Variants in EXT1 observed in about 807,000 individuals in gnomAD.
EXT1 encodes the protein exostosin glycosyltransferase 1, also known as exostosin-1.
EXT1 carries 20 observed loss-of-function variants against 82.5 expected under a neutral mutation model. The observed-to-expected ratio is 0.24, with a 90% CI of 0.17 to 0.35. The LOEUF (loss-of-function observed/expected upper bound fraction) is 0.35, where lower values mean the gene tolerates loss of function less well. Ranked by LOEUF, EXT1 falls within the 10% of genes least tolerant of loss-of-function variation. The pLI is 1.00. For missense variants in EXT1, 757 were observed against 936.5 expected, an observed-to-expected ratio of 0.81 and a Z score of 2.50; for synonymous variants, 348 against 350.8, an observed-to-expected ratio of 0.99 and a Z score of 0.09.
chr8:118,087,993 T>C (rs1484595901), intron 1 of EXT1, among the ~76,000 whole-genome samples: 1 of 151,696 alleles, frequency 6.6e-6, no homozygotes, highest in Admixed American at 6.6e-5. Context: ...AGAACTGCTT[T>C]TAATTAAACA....
chr8:117,976,934 C>T (rs763169645), intron 1 of EXT1, among the ~76,000 whole-genome samples: 1 of 152,052 alleles, frequency 6.6e-6, no homozygotes, highest in Admixed American at 6.6e-5. Context: ...CCAAGTTTGA[C>T]CCCTGAAAGG....
intron 1 of EXT1, among the ~76,000 whole-genome samples, chr8:117,966,775 A>T (rs968411842): frequency 1.3e-5 from 2 of 152,208 alleles, no homozygotes; most frequent in Non-Finnish European, 2.9e-5. Flanking sequence ...GACAACTTTG[A>T]TGATAAAATC....
intron 4 of EXT1, among the ~76,000 whole-genome samples, chr8:117,829,947 C>A (rs538406714): frequency 6.6e-6 from 1 of 152,248 alleles, no homozygotes; most frequent in African/African-American, 2.4e-5. Flanking sequence ...ACAAGACAGT[C>A]ATGACCCACA....
At chr8:117,968,136 G>A (rs1371717938) in intron 1 of EXT1, among the ~76,000 whole-genome samples, 1 of 151,816 alleles carries the variant, frequency 6.6e-6, no homozygotes, top group East Asian at 1.9e-4. Flanking sequence ...ATTTGAGACA[G>A]GGTCTGTCAC....
chr8:117,855,876 G>T (rs1211965665), intron 1 of EXT1, among the ~76,000 whole-genome samples: 3 of 152,102 alleles, frequency 2.0e-5, no homozygotes, highest in Admixed American at 6.6e-5. Context: ...CACTATGTTG[G>T]CCAGGCTGGT....
chr8:117,875,821 A>T (rs535835842), intron 1 of EXT1, among the ~76,000 whole-genome samples: 1 of 152,172 alleles, frequency 6.6e-6, no homozygotes, highest in East Asian at 1.9e-4. Context: ...GCAAATGCCC[A>T]TCTGGCCCTT....
chr8:117,838,481 C>T lies in EXT1; in HGVS notation c.963-1280G>A, dbSNP rs115346826. Among the ~76,000 whole-genome samples, 1,143 of 152,152 alleles carry T rather than the reference C, an allele frequency of 7.5e-3. 22 individuals are homozygous for T. The highest frequency in any genetic ancestry group is 0.026 in the African/African-American group (1,092 of 41,522). Reference sequence around the variant, plus strand: ...GCAAAGGACCATTTGCTTAAACAAGCGTGTACAACTAATTTGCACAAGAAA... The same window carrying T: ...GCAAAGGACCATTTGCTTAAACAAGTGTGTACAACTAATTTGCACAAGAAA... On this transcript the variant is annotated intron_variant, in intron 1 of 10. Coordinates refer to ENST00000378204, the MANE Select transcript of EXT1 (RefSeq NM_000127.3).
chr8:117,898,634 G>A (rs1813386647), intron 1 of EXT1, among the ~76,000 whole-genome samples: 1 of 152,156 alleles, frequency 6.6e-6, no homozygotes, highest in South Asian at 2.1e-4. Flanking sequence ...ATCCCATGAA[G>A]GTTTTTAAGT....
At chr8:118,090,327 G>T (rs937838155) in intron 1 of EXT1, among the ~76,000 whole-genome samples, 2 of 152,132 alleles carry the variant, frequency 1.3e-5, no homozygotes, top group African/African-American at 4.8e-5. Flanking sequence ...GGCCGAGGTG[G>T]GAGGATTGCT....
At chr8:117,894,420 G>T (rs1297470193) in intron 1 of EXT1, among the ~76,000 whole-genome samples, 3 of 152,094 alleles carry the variant, frequency 2.0e-5, no homozygotes, top group African/African-American at 2.4e-5. Context: ...GGGCAGCAAG[G>T]GAGTTGATTA....
chr8:117,883,384 T>C (rs1813094854), intron 1 of EXT1, among the ~76,000 whole-genome samples: 1 of 152,212 alleles, frequency 6.6e-6, no homozygotes, highest in Non-Finnish European at 1.5e-5. Flanking sequence ...CTGCAATTCT[T>C]GAGATTACAA....
intron 1 of EXT1, among the ~76,000 whole-genome samples, chr8:117,964,619 G>A (rs1348510847): frequency 8.7e-6 from 1 of 115,236 alleles, no homozygotes; most frequent in Non-Finnish European, 1.6e-5. Flanking sequence ...GTCTGTGTGT[G>A]TGTGTGTTTG....
intron 1 of EXT1, among the ~76,000 whole-genome samples, chr8:117,855,737 C>T (rs529431891): frequency 6.6e-6 from 1 of 152,292 alleles, no homozygotes; most frequent in Non-Finnish European, 1.5e-5. Context: ...GGTGCGATCT[C>T]GGCTCACTGC....
At chr8:118,079,488 C>T (rs1246174827) in intron 1 of EXT1, among the ~76,000 whole-genome samples, 1 of 152,164 alleles carries the variant, frequency 6.6e-6, no homozygotes, top group East Asian at 1.9e-4. Context: ...TAAACTTACC[C>T]GTAAGGTATT....
intron 1 of EXT1, among the ~76,000 whole-genome samples, chr8:117,869,060 G>A (rs1397234524): frequency 6.6e-6 from 1 of 152,120 alleles, no homozygotes; most frequent in East Asian, 1.9e-4. Context: ...TGCTGTGTGT[G>A]TTCTGCCTGG....
At chr8:118,096,816 C>T (rs902286267) in intron 1 of EXT1, among the ~76,000 whole-genome samples, 2 of 152,124 alleles carry the variant, frequency 1.3e-5, no homozygotes, top group Non-Finnish European at 2.9e-5. Flanking sequence ...AGCAAATGAA[C>T]ACAATGAACT....
chr8:118,040,573 T>C (rs1400226547), intron 1 of EXT1, among the ~76,000 whole-genome samples: 1 of 152,020 alleles, frequency 6.6e-6, no homozygotes, highest in African/African-American at 2.4e-5. Context: ...AACAGTGGGG[T>C]CCTTCTAGAT....
At chr8:118,108,544 G>T (rs1817837405) in intron 1 of EXT1, among the ~76,000 whole-genome samples, 2 of 152,184 alleles carry the variant, frequency 1.3e-5, no homozygotes, top group African/African-American at 4.8e-5. Flanking sequence ...CATTGCAACT[G>T]CACATTCATA....
At chr8:117,860,656 T>C (rs186605461) in intron 1 of EXT1, among the ~76,000 whole-genome samples, 1 of 152,230 alleles carries the variant, frequency 6.6e-6, no homozygotes, top group African/African-American at 2.4e-5. Context: ...CTGTTGAATC[T>C]AAACATTTTT....
Sources: gnomAD v4.1 joint callset for allele counts (sites outside exome capture counted in the v4.1 genomes callset) on GRCh38, gnomAD v4.1.1 for gene constraint, MANE v1.5 for transcripts, NCBI Gene and HGNC (gene_info 2026-07-23, HGNC 2026-07-21) for gene names.